Variants in MACROD2 observed in about 807,000 individuals in gnomAD.
MACROD2 encodes ADP-ribose glycohydrolase MACROD2.
A neutral mutation model predicts 70.4 loss-of-function variants in MACROD2; 36 were observed. The ratio of observed to expected loss-of-function variants is 0.51; its 90% CI spans 0.39 to 0.68. The LOEUF is 0.68. Among genes scored for constraint, MACROD2 ranks in the 30% least tolerant of loss-of-function variants. The pLI is 0.00. For synonymous variants in MACROD2, 172 were observed against 178.8 expected, an observed-to-expected ratio of 0.96 and a Z score of 0.30; for missense variants, 496 against 538.4, an observed-to-expected ratio of 0.92 and a Z score of 0.78.
At chr20:14,166,449 C>A (rs1569187220) in intron 3 of MACROD2, among the ~76,000 whole-genome samples, 1 of 152,116 alleles carries the variant, frequency 6.6e-6, no homozygotes. Flanking sequence ...TAGACAGCTT[C>A]TCCTTTGGAA....
intron 5 of MACROD2, among the ~76,000 whole-genome samples, chr20:15,149,332 G>A (rs182443188): frequency 6.6e-6 from 1 of 152,044 alleles, no homozygotes; most frequent in East Asian, 1.9e-4. Flanking sequence ...CTTTGCTGGT[G>A]TGTGGCGATT....
rs371402001 is a variant in MACROD2, at chr20:15,063,221, G to A, written c.419-166719G>A. 1.2e-4 allele frequency among the ~76,000 whole-genome samples: 18 copies of A among 152,134 alleles called. No individual in the cohort carries two copies. The East Asian group carries it at 2.1e-3, about 18-fold the overall frequency. On this transcript the variant is annotated intron_variant, in intron 5 of 17. Coordinates refer to ENST00000684519, the MANE Select transcript of MACROD2 (RefSeq NM_001351661.2). Reference sequence around the variant, plus strand: ...AAGGCCCTCAAAGCAAGAAGCTACCGACTCTGGGAACTGCAAATTGCAATG... The same window carrying A: ...AAGGCCCTCAAAGCAAGAAGCTACCAACTCTGGGAACTGCAAATTGCAATG...
intron 15 of MACROD2, among the ~76,000 whole-genome samples, chr20:15,998,419 T>C: frequency 6.6e-6 from 1 of 152,192 alleles, no homozygotes; most frequent in East Asian, 1.9e-4. Flanking sequence ...GATTGTATGC[T>C]TCTAGCAATT....
At chr20:14,161,337 G>A (rs1346313709) in intron 3 of MACROD2, among the ~76,000 whole-genome samples, 5 of 151,368 alleles carry the variant, frequency 3.3e-5, no homozygotes, top group South Asian at 2.1e-4. Flanking sequence ...ATAGGTGCAC[G>A]CCACCACACC....
At chr20:14,327,686 G>T in intron 3 of MACROD2, 1 of 636,700 alleles carries the variant, frequency 1.6e-6, no homozygotes, top group Non-Finnish European at 2.5e-6. Context: ...TTTTGGGAGG[G>T]GGCATAATAG....
chr20:14,079,544 T>C (rs762359898), intron 2 of MACROD2, among the ~76,000 whole-genome samples: 4 of 152,236 alleles, frequency 2.6e-5, no homozygotes, highest in Non-Finnish European at 5.9e-5. Flanking sequence ...TAAAAAGAGA[T>C]GAAACATATT....
chr20:14,831,922 TTGGGGA>T (rs1370646970), intron 5 of MACROD2, among the ~76,000 whole-genome samples: 1 of 149,942 alleles, frequency 6.7e-6, no homozygotes, highest in Non-Finnish European at 1.5e-5. Context: ...TGTTATGTTC[TTGGGGA>T]TGCATTCTGA....
chr20:14,394,536 T>A (rs1335679241), intron 3 of MACROD2, among the ~76,000 whole-genome samples: 1 of 152,122 alleles, frequency 6.6e-6, no homozygotes, highest in Non-Finnish European at 1.5e-5. Context: ...ATGTTTTACT[T>A]CTTCCTTTCT....
At chr20:14,842,273 C>T (rs1231105049) in intron 5 of MACROD2, among the ~76,000 whole-genome samples, 1 of 152,046 alleles carries the variant, frequency 6.6e-6, no homozygotes, top group East Asian at 1.9e-4. Flanking sequence ...TGCCCCCTGA[C>T]CTAATCACCT....
At chr20:14,473,908 G>A (rs2084559458) in intron 3 of MACROD2, among the ~76,000 whole-genome samples, 1 of 152,042 alleles carries the variant, frequency 6.6e-6, no homozygotes, top group Non-Finnish European at 1.5e-5. Context: ...TATTGATGGT[G>A]AGCATGTTTT....
intron 5 of MACROD2, among the ~76,000 whole-genome samples, chr20:14,715,851 C>T (rs1336448183): frequency 6.6e-6 from 1 of 152,160 alleles, no homozygotes; most frequent in African/African-American, 2.4e-5. Context: ...ACAGCTCCAA[C>T]TGCATTACTC....
At chr20:14,925,466 T>G (rs2122653130) in intron 5 of MACROD2, among the ~76,000 whole-genome samples, 1 of 152,306 alleles carries the variant, frequency 6.6e-6, no homozygotes, top group Non-Finnish European at 1.5e-5. Context: ...AATCATCAAA[T>G]TACCAGATTT....
At chr20:15,221,264 C>A (rs553482968) in intron 5 of MACROD2, among the ~76,000 whole-genome samples, 1 of 152,176 alleles carries the variant, frequency 6.6e-6, no homozygotes, top group African/African-American at 2.4e-5. Flanking sequence ...TTGAAACAGT[C>A]ATATTGTCTA....
chr20:15,019,145 TC>T (rs1165372177), intron 5 of MACROD2, among the ~76,000 whole-genome samples: 1 of 152,090 alleles, frequency 6.6e-6, no homozygotes, highest in Non-Finnish European at 1.5e-5. Flanking sequence ...TTTCCCTTCT[TC>T]CTCTGAACAC....
At chr20:14,813,201 T>G (rs1044743668) in intron 5 of MACROD2, among the ~76,000 whole-genome samples, 12 of 152,106 alleles carry the variant, frequency 7.9e-5, no homozygotes, top group African/African-American at 2.6e-4. Context: ...TTATTTTATT[T>G]TAAGTTCCAG....
chr20:15,992,896 ACT>A (rs1568692594), intron 15 of MACROD2, among the ~76,000 whole-genome samples: 1 of 152,194 alleles, frequency 6.6e-6, no homozygotes, highest in Non-Finnish European at 1.5e-5. Context: ...CTACAACTCA[ACT>A]CTCTGTGCAT....
intron 6 of MACROD2, among the ~76,000 whole-genome samples, chr20:15,268,757 C>T (rs1389792701): frequency 6.6e-6 from 1 of 152,148 alleles, no homozygotes; most frequent in Non-Finnish European, 1.5e-5. Context: ...GAATCATGGA[C>T]TCTTTCAAGA....
intron 3 of MACROD2, among the ~76,000 whole-genome samples, chr20:14,304,774 T>G (rs1489132474): frequency 0.05 from 3 of 60 alleles, no homozygotes; most frequent in East Asian, 0.25. Context: ...TTTTTTATGT[T>G]TTTTTTTTTT....
chr20:14,964,466 AG>A (rs1324575191), intron 5 of MACROD2, among the ~76,000 whole-genome samples: 1 of 151,988 alleles, frequency 6.6e-6, no homozygotes, highest in Non-Finnish European at 1.5e-5. Flanking sequence ...CTAGCTACTC[AG>A]GAGGCTGAGG....
Sources: gnomAD v4.1 joint callset for allele counts (sites outside exome capture counted in the v4.1 genomes callset) on GRCh38, gnomAD v4.1.1 for gene constraint, MANE v1.5 for transcripts, NCBI Gene and HGNC (gene_info 2026-07-23, HGNC 2026-07-21) for gene names.